Variants in KCNIP1 observed in about 807,000 individuals in gnomAD.
KCNIP1 encodes potassium voltage-gated channel interacting protein 1.
Under a neutral mutation model 33.0 loss-of-function variants are expected in KCNIP1, and 18 were observed. That is an observed-to-expected ratio of 0.55 (90% CI 0.38 to 0.81). The LOEUF is 0.81. Ranked by LOEUF, KCNIP1 falls within the 30% of genes least tolerant of loss-of-function variation. The probability of loss-of-function intolerance (pLI) is 0.00; values close to 1 mark genes in which losing one functional copy is unlikely to be tolerated. For synonymous variants in KCNIP1, 93 were observed against 98.3 expected, an observed-to-expected ratio of 0.95 and a Z score of 0.32; for missense variants, 238 against 271.6, an observed-to-expected ratio of 0.88 and a Z score of 0.87.
upstream of KCNIP1, among the ~76,000 whole-genome samples, chr5:170,499,206 T>A (rs1433518461): frequency 6.6e-6 from 1 of 152,180 alleles, no homozygotes; most frequent in Admixed American, 6.5e-5. Flanking sequence ...CTGAGTCTTT[T>A]AATACCAGAT....
intron 1 of KCNIP1, among the ~76,000 whole-genome samples, chr5:170,469,449 A>G (rs1015033244): frequency 7.9e-5 from 12 of 152,354 alleles, no homozygotes; most frequent in African/African-American, 2.9e-4. Context: ...CATGTTTCCC[A>G]TAAGAATAAA....
intron 1 of KCNIP1, among the ~76,000 whole-genome samples, chr5:170,641,703 CA>C (rs1760569019): frequency 6.6e-6 from 1 of 152,192 alleles, no homozygotes; most frequent in East Asian, 1.9e-4. Context: ...GAACCGGCTC[CA>C]TTGTCTGTGC....
chr5:170,689,503 G>C (rs1227641660), intron 1 of KCNIP1, among the ~76,000 whole-genome samples: 1 of 152,186 alleles, frequency 6.6e-6, no homozygotes, highest in African/African-American at 2.4e-5. Flanking sequence ...CAACTAGTAA[G>C]TAGCTGAACC....
At chr5:170,687,646 G>A (rs1369993373) in intron 1 of KCNIP1, among the ~76,000 whole-genome samples, 2 of 152,232 alleles carry the variant, frequency 1.3e-5, no homozygotes, top group African/African-American at 4.8e-5. Context: ...TCCTGAGGAA[G>A]TTTGCTTTAG....
chr5:170,637,743 C>T (rs767814809), intron 1 of KCNIP1, among the ~76,000 whole-genome samples: 11 of 152,242 alleles, frequency 7.2e-5, no homozygotes, highest in South Asian at 6.2e-4. Flanking sequence ...CTCCTGTTCG[C>T]GCTACATAAC....
chr5:170,599,334 C>G (rs1758600078), intron 1 of KCNIP1, among the ~76,000 whole-genome samples: 1 of 152,150 alleles, frequency 6.6e-6, no homozygotes, highest in Non-Finnish European at 1.5e-5. Context: ...TGGGGCCTCT[C>G]ATCCAGACAC....
rs558571928 is a variant in KCNIP1, at chr5:170,562,801, A to G, written c.61+58168A>G. Among the ~76,000 whole-genome samples the G allele has an allele frequency of 2.0e-5, 3 of 152,358 alleles. No individual in the cohort carries two copies. The East Asian group carries it at 5.8e-4, about 29-fold the overall frequency. ...GCCCAGGGCTCTAAGCTGCAGCTGG[A>G]GAACTGAAACACAGCAAGCAGGACA... On this transcript the variant is annotated intron_variant, in intron 1 of 7. Transcript: ENST00000328939.
In KCNIP1 at chr5:170,605,768, T is replaced by TTC. The variant is rs370131289; in HGVS notation, c.61+101137_61+101138dup. On this transcript the variant is annotated intron_variant, in intron 1 of 7. Transcript: ENST00000328939. Reference sequence around the variant, plus strand: ...AGCATGGGTCAGTACTTCAACCCTGTTCTTTTTTTTTTTTTTTTTTTTTTG... The same window carrying TTC: ...AGCATGGGTCAGTACTTCAACCCTGTTCTCTTTTTTTTTTTTTTTTTTTTTTG... Among the ~76,000 whole-genome samples the TTC allele has an allele frequency of 2.6e-3, 362 of 138,794 alleles. 1 individual carries two copies. The highest frequency in any genetic ancestry group is 8.2e-3 in the African/African-American group (311 of 37,714). 91.1% of individuals were successfully genotyped at this position (138,794 alleles called of 152,430 possible). A position where few individuals can be genotyped will look rare whatever the true frequency, so the allele number is the denominator to read the frequency against.
chr5:170,558,052 C>T (rs780504039), intron 1 of KCNIP1, among the ~76,000 whole-genome samples: 18 of 152,162 alleles, frequency 1.2e-4, no homozygotes, highest in African/African-American at 4.8e-5. Flanking sequence ...GAGGACTTGA[C>T]GGGATTTGGG....
chr5:170,722,754 C>A lies in KCNIP1; in HGVS notation c.369C>A (p.Val123=). Residue 123 remains valine, a synonymous_variant, in exon 5 of 8, where the codon GTC becomes GTA. Transcript: ENST00000328939. The part of the protein sequence containing the change: ...TALSILLRGT[V]HEKLRWTFNL... The stretch of plus-strand genomic sequence containing the variant: ...TGTCGATTTTATTGAGAGGAACTGT[C>A]CACGAGAAACTAAGGTGGACATTTA... 1 of 1,613,868 alleles carries A rather than the reference C, an allele frequency of 6.2e-7. No individual in the cohort carries two copies. The highest frequency in any genetic ancestry group is 1.1e-5 in the South Asian group (1 of 91,046).
At chr5:170,721,588 G>T (rs1763826581) in intron 3 of KCNIP1, among the ~76,000 whole-genome samples, 1 of 152,134 alleles carries the variant, frequency 6.6e-6, no homozygotes, top group African/African-American at 2.4e-5. Context: ...GCATAGACAG[G>T]CAGGAGAATG....
At chr5:170,505,227 A>G (rs150672636) in intron 1 of KCNIP1, among the ~76,000 whole-genome samples, 164 of 152,296 alleles carry the variant, frequency 1.1e-3, no homozygotes, top group African/African-American at 3.5e-3. Flanking sequence ...CTGAGCTTAC[A>G]TCAAGGATTA....
At chr5:170,687,124 A>G (rs909256014) in intron 1 of KCNIP1, among the ~76,000 whole-genome samples, 2 of 151,990 alleles carry the variant, frequency 1.3e-5, no homozygotes, top group Non-Finnish European at 2.9e-5. Context: ...ACTCTTAAAA[A>G]TCCGGTTTCT....
chr5:170,590,760 G>A (rs1057010463), intron 1 of KCNIP1, among the ~76,000 whole-genome samples: 1 of 152,226 alleles, frequency 6.6e-6, no homozygotes, highest in Non-Finnish European at 1.5e-5. Context: ...AAGTGTCTGT[G>A]GCTGAAACCA....
rs116006019 is a variant in KCNIP1 at position 170,586,539 on chromosome 5, C to T, written c.61+81906C>T. Among the ~76,000 whole-genome samples the T allele has an allele frequency of 8.3e-3, 1,265 of 152,290 alleles. 29 individuals carry two copies. Among genetic ancestry groups the T allele is most frequent in the East Asian group, 0.08 (413 of 5,184 alleles). ...TGTCAGCAACAGGAAACTCACACAC[C>T]CTGCCGGGTCCATGCCACATTGTTC... On this transcript the variant is annotated intron_variant, in intron 1 of 7. Coordinates refer to ENST00000328939, the MANE Select transcript of KCNIP1 (RefSeq NM_014592.4).
At chr5:170,539,080 C>T (rs765941437) in intron 1 of KCNIP1, among the ~76,000 whole-genome samples, 7 of 151,984 alleles carry the variant, frequency 4.6e-5, no homozygotes, top group Non-Finnish European at 7.4e-5. Flanking sequence ...TGTCTCATTT[C>T]GTCCACATCT....
At chr5:170,533,282 T>C (rs1755848706) in intron 1 of KCNIP1, among the ~76,000 whole-genome samples, 1 of 152,188 alleles carries the variant, frequency 6.6e-6, no homozygotes, top group South Asian at 2.1e-4. Flanking sequence ...CCCTCACCTC[T>C]ATATTCCCCG....
chr5:170,562,820 C>T (rs1757078709), intron 1 of KCNIP1, among the ~76,000 whole-genome samples: 1 of 152,222 alleles, frequency 6.6e-6, no homozygotes, highest in Non-Finnish European at 1.5e-5. Context: ...ACACAGCAAG[C>T]AGGACACCTG....
At chr5:170,610,397 CCTT>C (rs2113614209) in intron 1 of KCNIP1, among the ~76,000 whole-genome samples, 1 of 152,272 alleles carries the variant, frequency 6.6e-6, no homozygotes, top group East Asian at 1.9e-4. Context: ...ACTCATGAAA[CCTT>C]CTCAAGGCAC....
Sources: allele counts gnomAD v4.1 joint callset (sites outside exome capture counted in the v4.1 genomes callset), GRCh38; gene constraint gnomAD v4.1.1; transcripts MANE v1.5; gene names NCBI Gene and HGNC (gene_info 2026-07-23, HGNC 2026-07-21).